The following FBXL17 variants were observed in gnomAD, a reference collection of about 807,000 sequenced individuals.
FBXL17 encodes F-box and leucine rich repeat protein 17.
Under a neutral mutation model 66.2 loss-of-function variants are expected in FBXL17, and 22 were observed. The observed-to-expected ratio is 0.33, with a 90% CI of 0.24 to 0.47. The LOEUF (loss-of-function observed/expected upper bound fraction) is 0.47, where lower values mean the gene tolerates loss of function less well. Among genes scored for constraint, FBXL17 ranks in the 20% least tolerant of loss-of-function variants. FBXL17 has a pLI of 1.00. For missense variants in FBXL17, 878 were observed against 948.2 expected, an observed-to-expected ratio of 0.93 and a Z score of 0.97; for synonymous variants, 474 against 400.5, an observed-to-expected ratio of 1.18 and a Z score of -2.19.
Position 108,381,221 on chromosome 5 carries a change from TC to T in FBXL17, c.470del (p.Arg157GlnfsTer201). ...GCCCCAAGCTGGCCAGGAAGAGACTTCGGCCCTGCTGCTCCCAGGCGGCGGC... is the reference window on the plus strand; with the variant it reads ...GCCCCAAGCTGGCCAGGAAGAGACTTGGCCCTGCTGCTCCCAGGCGGCGGC... ...AAAAAWEQQG[R>X]SLFLASLGPV... On this transcript the variant is annotated frameshift_variant, in exon 1 of 9. Transcript: ENST00000542267. LOFTEE classifies it high-confidence loss of function. 1 of 1,447,422 alleles carries T rather than the reference TC, an allele frequency of 6.9e-7. No homozygotes were observed. 89.7% of individuals were successfully genotyped at this position (1,447,422 alleles called of 1,614,324 possible).
At chr5:107,970,398 A>G (rs1752324549) in intron 7 of FBXL17, among the ~76,000 whole-genome samples, 1 of 152,176 alleles carries the variant, frequency 6.6e-6, no homozygotes, top group Non-Finnish European at 1.5e-5. Context: ...CTGTGGGAAA[A>G]ATATTTCAGA....
chr5:107,862,562 C>A (rs576978377), intron 8 of FBXL17, among the ~76,000 whole-genome samples: 13 of 152,278 alleles, frequency 8.5e-5, no homozygotes, highest in Admixed American at 2.0e-4. Flanking sequence ...AAGATGATTG[C>A]AGTTCATATC....
chr5:107,893,657 T>A (rs1368952911), intron 7 of FBXL17, among the ~76,000 whole-genome samples: 1 of 152,186 alleles, frequency 6.6e-6, no homozygotes, highest in Non-Finnish European at 1.5e-5. Context: ...ATTTTTTTAT[T>A]TTTTCTTAAA....
At chr5:108,329,261 TG>T (rs1432404242) in intron 4 of FBXL17, among the ~76,000 whole-genome samples, 1 of 152,130 alleles carries the variant, frequency 6.6e-6, no homozygotes, top group Non-Finnish European at 1.5e-5. Context: ...ATAATAAAGA[TG>T]GAAGTCCTGA....
Position 108,170,094 on chromosome 5 carries a change from G to A in FBXL17, c.1745+16023C>T, listed in dbSNP as rs949942052. Among the ~76,000 whole-genome samples the A allele has an allele frequency of 2.0e-5, 3 of 152,040 alleles. No individual in the cohort carries two copies. The East Asian group carries it at 5.8e-4, about 29-fold the overall frequency. ...TATTCACACATAGCAAAATATTTAT[G>A]TGCATGTGTGCACAATACAATATTA... On this transcript the variant is annotated intron_variant, in intron 6 of 8. Transcript: ENST00000542267.
chr5:108,298,208 T>C lies in FBXL17; in HGVS notation c.1506+50191A>G, dbSNP rs551296419. The stretch of plus-strand genomic sequence containing the variant: ...AAGTACAGCTCCATATGATATACAA[T>C]GCCCCAACAATAACTTTTTGTCTAT... On this transcript the variant is annotated intron_variant, in intron 4 of 8. Transcript: ENST00000542267. The C allele has an allele frequency of 1.3e-4, 128 of 980,912 alleles. No individual in the cohort carries two copies. The African/African-American group carries it at 2.2e-3, about 17-fold the overall frequency. The allele number at this position is 980,912 out of a possible 1,614,324, so 60.8% of individuals were successfully genotyped here. A position where few individuals can be genotyped will look rare whatever the true frequency, so the allele number is the denominator to read the frequency against.
intron 6 of FBXL17, among the ~76,000 whole-genome samples, chr5:108,169,193 A>G (rs1364825400): frequency 6.6e-6 from 1 of 152,176 alleles, no homozygotes; most frequent in African/African-American, 2.4e-5. Context: ...CTCCTCTATA[A>G]CATAATGATG....
chr5:108,157,093 T>C (rs1752023558), intron 6 of FBXL17, among the ~76,000 whole-genome samples: 1 of 151,484 alleles, frequency 6.6e-6, no homozygotes, highest in South Asian at 2.1e-4. Flanking sequence ...AGCTCTTAGA[T>C]ATGCAAATAC....
chr5:108,356,408 T>C (rs1406145239), intron 3 of FBXL17, among the ~76,000 whole-genome samples: 2 of 152,202 alleles, frequency 1.3e-5, no homozygotes, highest in Non-Finnish European at 2.9e-5. Context: ...TATTTATAAT[T>C]ACCAGAACTT....
At chr5:108,110,201 G>A (rs1749976540) in intron 6 of FBXL17, among the ~76,000 whole-genome samples, 1 of 151,944 alleles carries the variant, frequency 6.6e-6, no homozygotes, top group Non-Finnish European at 1.5e-5. Context: ...GGTTTACTGG[G>A]TTCAAGAACA....
At chr5:108,184,151 T>C (rs2150029821) in intron 6 of FBXL17, among the ~76,000 whole-genome samples, 1 of 152,256 alleles carries the variant, frequency 6.6e-6, no homozygotes, top group South Asian at 2.1e-4. Context: ...CGGTGGCTTA[T>C]GGCTCATGCC....
intron 6 of FBXL17, among the ~76,000 whole-genome samples, chr5:108,141,106 C>A (rs1751332486): frequency 6.6e-6 from 1 of 152,160 alleles, no homozygotes; most frequent in African/African-American, 2.4e-5. Context: ...TTCTTGCATG[C>A]ATTATACTCC....
At chr5:107,977,739 T>G (rs1194812329) in intron 7 of FBXL17, among the ~76,000 whole-genome samples, 1 of 152,200 alleles carries the variant, frequency 6.6e-6, no homozygotes, top group Non-Finnish European at 1.5e-5. Context: ...TTCATAACTT[T>G]CATCAGATAA....
chr5:107,893,646 TA>T (rs1344622947), intron 7 of FBXL17, among the ~76,000 whole-genome samples: 3 of 152,176 alleles, frequency 2.0e-5, no homozygotes, highest in South Asian at 4.1e-4. Flanking sequence ...TGTCTTCTTT[TA>T]TTTTTTTATT....
At chr5:108,217,550 T>C (rs752247072) in intron 5 of FBXL17, among the ~76,000 whole-genome samples, 1 of 152,100 alleles carries the variant, frequency 6.6e-6, no homozygotes, top group African/African-American at 2.4e-5. Context: ...CATTTCAACA[T>C]TGTTTCAATA....
At chr5:108,347,139 T>A (rs1167780678) in intron 4 of FBXL17, among the ~76,000 whole-genome samples, 1 of 152,206 alleles carries the variant, frequency 6.6e-6, no homozygotes, top group African/African-American at 2.4e-5. Flanking sequence ...CATCACAGAA[T>A]GTACTTACAC....
At position 108,034,202 on chromosome 5, in the gene FBXL17, T is replaced by C. The variant is rs1274267186; in HGVS notation, c.1746-13201A>G. On this transcript the variant is annotated intron_variant, in intron 6 of 8. Transcript: ENST00000542267. ...TTTAGTCATTGCATATAGCCCTCAA[T>C]ATTATATTACATGTAGTTCTCCACT... Among the ~76,000 whole-genome samples, 3 of 152,266 alleles carry C rather than the reference T, an allele frequency of 2.0e-5. No individual in the cohort carries two copies. In the East Asian group the frequency reaches 5.8e-4, roughly 29 times the overall value.
rs888058394 is a variant in FBXL17 at position 108,030,937 on chromosome 5, T to C, written c.1746-9936A>G. ...TATAGAAAAAAATAAAGTTAGAGCA[T>C]AAATTCATTTTTTGGAGATCTTTTA... is the stretch of plus-strand genomic sequence containing the variant. On this transcript the variant is annotated intron_variant, in intron 6 of 8. Coordinates refer to ENST00000542267, the MANE Select transcript of FBXL17 (RefSeq NM_001163315.3). Among the ~76,000 whole-genome samples the C allele has an allele frequency of 2.0e-5, 3 of 152,168 alleles. No homozygotes were observed. The South Asian group carries it at 6.2e-4, about 32-fold the overall frequency.
intron 6 of FBXL17, among the ~76,000 whole-genome samples, chr5:108,173,304 C>T (rs962461814): frequency 5.9e-5 from 9 of 152,020 alleles, no homozygotes; most frequent in South Asian, 2.1e-4. Flanking sequence ...TGCTAAATGA[C>T]GAGTTAATGG....
Sources: gnomAD v4.1 joint callset for allele counts (sites outside exome capture counted in the v4.1 genomes callset) on GRCh38, gnomAD v4.1.1 for gene constraint, MANE v1.5 for transcripts, NCBI Gene and HGNC (gene_info 2026-07-23, HGNC 2026-07-21) for gene names.